KIAA1671: variants seen among roughly 807,000 people sequenced by gnomAD.
KIAA1671 encodes KIAA1671.
In KIAA1671, 52 loss-of-function variants were observed where a neutral mutation model predicts 131.2. That is an observed-to-expected ratio of 0.40 (90% CI 0.32 to 0.50). KIAA1671 has a LOEUF of 0.50. KIAA1671 is among the 20% of genes least tolerant of loss of function. The pLI, the probability that KIAA1671 is intolerant of heterozygous loss-of-function variation, is 0.73. For synonymous variants in KIAA1671, 1,003 were observed against 961.6 expected (o/e 1.04, Z -0.80); for missense variants, 2,360 against 2,364.2 (o/e 1.00, Z 0.04).
chr22:24,960,763 G>A (rs1400524369), intron 1 of KIAA1671, among the ~76,000 whole-genome samples: 2 of 143,354 alleles, frequency 1.4e-5, no homozygotes, highest in African/African-American at 5.2e-5. Flanking sequence ...TTTCCAGGAT[G>A]TGGAACTTTA....
Position 25,099,537 on chromosome 22 carries a change from G to GTTTTTTTTTTTTT in KIAA1671, c.4530+50180_4530+50181insTTTTTTTTTTTTT, listed in dbSNP as rs1223034273. Among the ~76,000 whole-genome samples, 3 of 112,112 alleles carry GTTTTTTTTTTTTT rather than the reference G, an allele frequency of 2.7e-5. 1 individual carries two copies. The highest frequency in any genetic ancestry group is 5.2e-5 in the Non-Finnish European group (3 of 57,624). 73.5% of individuals were successfully genotyped at this position (112,112 alleles called of 152,430 possible). ...TATAAGTTTGTCTTTCAAAATGTGG[G>GTTTTTTTTTTTTT]TTTTTTTGTTTTTTTTTTTTTTTTT... On this transcript the variant is annotated intron_variant, in intron 6 of 12. Transcript: ENST00000358431.
At chr22:25,169,352 A>G (rs1230521014) in intron 6 of KIAA1671, among the ~76,000 whole-genome samples, 1 of 150,712 alleles carries the variant, frequency 6.6e-6, no homozygotes. Flanking sequence ...CCCAGAGGCC[A>G]AGGCTGGAGT....
intron 6 of KIAA1671, chr22:25,053,926 C>A (rs962518966): frequency 2.0e-5 from 3 of 151,658 alleles, no homozygotes; most frequent in African/African-American, 4.9e-5. Flanking sequence ...CAGTGGCTCA[C>A]GCCTATAATT....
At chr22:25,074,593 G>A (rs191638604) in intron 6 of KIAA1671, among the ~76,000 whole-genome samples, 10,756 of 149,480 alleles carry the variant, frequency 0.072, 1,265 homozygotes, top group African/African-American at 0.25. Flanking sequence ...GTGTGTGCGT[G>A]TATATATATA....
At chr22:25,166,247 A>C (rs540497961) in intron 6 of KIAA1671, among the ~76,000 whole-genome samples, 1 of 152,270 alleles carries the variant, frequency 6.6e-6, no homozygotes, top group East Asian at 1.9e-4. Flanking sequence ...CGCTGGCCTC[A>C]GGACCCTCAG....
intron 6 of KIAA1671, among the ~76,000 whole-genome samples, chr22:25,073,116 T>C (rs1315881406): frequency 6.6e-6 from 1 of 152,196 alleles, no homozygotes; most frequent in Non-Finnish European, 1.5e-5. Context: ...TCACCCAGGC[T>C]GCAGTGCAGT....
At chr22:25,049,482 G>A in intron 6 of KIAA1671, 118 bp downstream of exon 6, 1 of 1,150,574 alleles carries the variant, frequency 8.7e-7, no homozygotes, top group Non-Finnish European at 1.2e-6. Context: ...GTTGAGGGCA[G>A]CAGGCAACTG....
chr22:25,065,144 G>A (rs1184046427), intron 6 of KIAA1671: 1 of 152,064 alleles, frequency 6.6e-6, no homozygotes, highest in African/African-American at 2.4e-5. Flanking sequence ...GGCAGCAAGC[G>A]GCGGCTGTAT....
chr22:25,113,983 C>T (rs575195159), intron 6 of KIAA1671, among the ~76,000 whole-genome samples: 1 of 152,312 alleles, frequency 6.6e-6, no homozygotes, highest in East Asian at 1.9e-4. Flanking sequence ...CCTCTTTCCC[C>T]ACCCTGGGGA....
chr22:25,062,047 CT>C (rs67016500), intron 6 of KIAA1671: 31,448 of 148,292 alleles, frequency 0.21, 3,411 homozygotes, highest in Middle Eastern at 0.28. Context: ...TCCTTCTGCA[CT>C]TTTTTTTTTC....
At chr22:25,069,063 G>C (rs1928664380) in intron 6 of KIAA1671, among the ~76,000 whole-genome samples, 1 of 152,182 alleles carries the variant, frequency 6.6e-6, no homozygotes, top group Admixed American at 6.5e-5. Flanking sequence ...AGGGGATCCA[G>C]GAGCGTCTGG....
intron 9 of KIAA1671, chr22:25,179,354 G>C (rs1430892481): frequency 5.6e-6 from 9 of 1,598,254 alleles, no homozygotes; most frequent in Admixed American, 1.7e-5. Context: ...TGCGCACCTC[G>C]GCCGCGTGCA....
chr22:25,040,274 T>C lies in KIAA1671; in HGVS notation c.3144T>C (p.Ala1048=), dbSNP rs1008841028. 4 of 1,551,584 alleles carry C rather than the reference T, an allele frequency of 2.6e-6. No individual in the cohort carries two copies. The highest frequency in any genetic ancestry group is 3.9e-5 in the Admixed American group (2 of 50,990). Residue 1048 remains alanine, a synonymous_variant, in exon 5 of 13, where the codon GCT becomes GCC. Transcript: ENST00000358431. ...CAAAGGGTGTGGTTCTGTCAGGAGCTGAAAGCTTGCTGGAACATTCTAGAA... is the reference window on the plus strand; with the variant it reads ...CAAAGGGTGTGGTTCTGTCAGGAGCCGAAAGCTTGCTGGAACATTCTAGAA... ...QKAKGVVLSG[A]ESLLEHSRKI...
chr22:25,037,756 A>G (rs1926694517), intron 4 of KIAA1671, among the ~76,000 whole-genome samples: 1 of 152,176 alleles, frequency 6.6e-6, no homozygotes, highest in African/African-American at 2.4e-5. Context: ...GGAGTCTTAT[A>G]TAGCTTTTTG....
In KIAA1671 at chr22:25,040,196, A is replaced by G; in HGVS notation, c.3066A>G (p.Glu1022=). 1.3e-6 allele frequency: 2 copies of G among 1,551,688 alleles called. No individual in the cohort carries two copies. The highest frequency in any genetic ancestry group is 1.7e-6 in the Non-Finnish European group (2 of 1,146,994). Residue 1022 remains glutamate, a synonymous_variant, in exon 5 of 13, where the codon GAA becomes GAG. Coordinates refer to ENST00000358431, the MANE Select transcript of KIAA1671 (RefSeq NM_001145206.2). ...CAGTGAAGCAAGGGTCACCTGTGGA[A>G]CCCAAGGCGACATTTTTTGCAGTCA... The part of the protein sequence containing the change: ...SPAVKQGSPV[E]PKATFFAVTY...
chr22:25,001,102 CTTA>C (rs1924444892), intron 1 of KIAA1671, among the ~76,000 whole-genome samples: 1 of 147,358 alleles, frequency 6.8e-6, no homozygotes, highest in Middle Eastern at 3.3e-3. Context: ...TGTCTTTTTT[CTTA>C]TTGATTTATA....
At chr22:25,047,252 G>C (rs1927295006) in intron 5 of KIAA1671, among the ~76,000 whole-genome samples, 1 of 150,016 alleles carries the variant, frequency 6.7e-6, no homozygotes, top group South Asian at 2.1e-4. Flanking sequence ...CTGGATTCAA[G>C]CAATTCGCCT....
chr22:25,120,318 G>A (rs781599327), intron 6 of KIAA1671, among the ~76,000 whole-genome samples: 1 of 152,306 alleles, frequency 6.6e-6, no homozygotes, highest in South Asian at 2.1e-4. Context: ...CTACAGTGTC[G>A]CCAGGCAGGC....
At chr22:24,984,913 A>AG in intron 1 of KIAA1671, among the ~76,000 whole-genome samples, 1 of 40,850 alleles carries the variant, frequency 2.4e-5, no homozygotes, top group African/African-American at 3.3e-4. Context: ...ACTACGTCTC[A>AG]AAAAAAAAAA....
Sources: allele counts gnomAD v4.1 joint callset (sites outside exome capture counted in the v4.1 genomes callset), GRCh38; gene constraint gnomAD v4.1.1; transcripts MANE v1.5; gene names NCBI Gene and HGNC (gene_info 2026-07-23, HGNC 2026-07-21).